PPM1L: variants seen among roughly 807,000 people sequenced by gnomAD.
The protein encoded by PPM1L is protein phosphatase 1L.
PPM1L carries 13 observed loss-of-function variants against 31.4 expected under a neutral mutation model. The ratio of observed to expected loss-of-function variants is 0.41; its 90% CI spans 0.27 to 0.66. The LOEUF (loss-of-function observed/expected upper bound fraction) is 0.66, where lower values mean the gene tolerates loss of function less well. PPM1L is among the 30% of genes least tolerant of loss of function. The pLI, the probability that PPM1L is intolerant of heterozygous loss-of-function variation, is 0.29. For synonymous variants in PPM1L, 184 were observed against 175.4 expected (o/e 1.05, Z -0.39); for missense variants, 326 against 453.7 (o/e 0.72, Z 2.56).
At chr3:160,822,890 A>T (rs1343219669) in intron 1 of PPM1L, among the ~76,000 whole-genome samples, 2 of 152,148 alleles carry the variant, frequency 1.3e-5, no homozygotes, top group African/African-American at 4.8e-5. Context: ...AAGAATATCT[A>T]AAAGGAAGAG....
At position 160,961,819 on chromosome 3, in the gene PPM1L, T is replaced by C. The variant is rs1715974051; in HGVS notation, c.483T>C (p.Ser161=). ...ACTACGAGAAAGACAAAGAAAATAGTGTATTATCTTACCAGACCATCCTTG... is the reference window on the plus strand; with the variant it reads ...ACTACGAGAAAGACAAAGAAAATAGCGTATTATCTTACCAGACCATCCTTG... The part of the protein sequence containing the change: ...LQDYEKDKEN[S]VLSYQTILEQ... The change falls in exon 2 of 4, where the codon AGT becomes AGC. Residue 161 remains serine (S), a synonymous_variant. Transcript: ENST00000498165. The C allele has an allele frequency of 6.2e-7, 1 of 1,602,312 alleles. No homozygotes were observed. The highest frequency in any genetic ancestry group is 1.7e-5 in the Admixed American group (1 of 58,222).
chr3:160,791,239 A>G (rs1413761682), intron 1 of PPM1L, among the ~76,000 whole-genome samples: 2 of 152,188 alleles, frequency 1.3e-5, no homozygotes, highest in Non-Finnish European at 2.9e-5. Flanking sequence ...GAAGGAGTGG[A>G]AAAGGCATAG....
chr3:161,012,717 C>T (rs371361441), intron 2 of PPM1L, among the ~76,000 whole-genome samples: 19 of 152,086 alleles, frequency 1.2e-4, no homozygotes, highest in African/African-American at 3.9e-4. Context: ...GTCTATTCAG[C>T]GATTCAACTT....
intron 1 of PPM1L, among the ~76,000 whole-genome samples, chr3:160,924,308 C>T (rs1714515273): frequency 6.6e-6 from 1 of 152,126 alleles, no homozygotes; most frequent in Admixed American, 6.5e-5. Context: ...CAATCTTCTG[C>T]AAAGGGTCGG....
At chr3:161,065,662 T>A in intron 3 of PPM1L, 98 bp downstream of exon 3, 1 of 1,082,278 alleles carries the variant, frequency 9.2e-7, no homozygotes, top group Non-Finnish European at 1.3e-6. Context: ...AGTTATGCAG[T>A]ATTAGAGAGG....
chr3:161,061,016 A>C (rs187940724), intron 2 of PPM1L, among the ~76,000 whole-genome samples: 1 of 152,086 alleles, frequency 6.6e-6, no homozygotes, highest in Non-Finnish European at 1.5e-5. Flanking sequence ...TCTCTTGGGC[A>C]TAATGTCTTT....
chr3:160,912,288 A>G (rs1466881094), intron 1 of PPM1L, among the ~76,000 whole-genome samples: 3 of 152,210 alleles, frequency 2.0e-5, no homozygotes, highest in African/African-American at 7.2e-5. Flanking sequence ...TCTCTGAGCA[A>G]ATCCATGCCT....
At chr3:161,022,394 TAACA>T (rs902134399) in intron 2 of PPM1L, 66 of 375,052 alleles carry the variant, frequency 1.8e-4, no homozygotes, top group Non-Finnish European at 2.4e-4. Context: ...AGAAAAAAGT[TAACA>T]AATAAGATCA....
At chr3:160,798,527 C>T (rs923635997) in intron 1 of PPM1L, among the ~76,000 whole-genome samples, 1 of 152,148 alleles carries the variant, frequency 6.6e-6, no homozygotes, top group Non-Finnish European at 1.5e-5. Context: ...AACAACAAAG[C>T]TTGGATGATA....
chr3:160,779,632 C>T (rs1711677827), intron 1 of PPM1L, among the ~76,000 whole-genome samples: 1 of 152,132 alleles, frequency 6.6e-6, no homozygotes, highest in Non-Finnish European at 1.5e-5. Context: ...AAGCGATTCT[C>T]CTGCCTCCGC....
chr3:160,760,479 C>T (rs986154348), intron 1 of PPM1L, among the ~76,000 whole-genome samples: 1 of 152,082 alleles, frequency 6.6e-6, no homozygotes, highest in Admixed American at 6.6e-5. Context: ...CCAGCTTCCT[C>T]CCTTGATTCT....
At chr3:160,810,690 C>G (rs1712778650) in intron 1 of PPM1L, among the ~76,000 whole-genome samples, 1 of 152,288 alleles carries the variant, frequency 6.6e-6, no homozygotes, top group South Asian at 2.1e-4. Context: ...GATGACCTGC[C>G]AGCAAATCCT....
intron 1 of PPM1L, among the ~76,000 whole-genome samples, chr3:160,793,876 C>T (rs1418553936): frequency 1.3e-5 from 2 of 152,164 alleles, no homozygotes; most frequent in African/African-American, 4.8e-5. Flanking sequence ...TTCTGATTGT[C>T]AAGACAACTG....
chr3:160,768,236 TGCCTAAG>T (rs1328196033), intron 1 of PPM1L, among the ~76,000 whole-genome samples: 1 of 152,226 alleles, frequency 6.6e-6, no homozygotes, highest in Non-Finnish European at 1.5e-5. Flanking sequence ...CCAAATATAG[TGCCTAAG>T]GCTTCACAGC....
chr3:160,839,467 G>T (rs897179303), intron 1 of PPM1L, among the ~76,000 whole-genome samples: 7 of 151,836 alleles, frequency 4.6e-5, no homozygotes, highest in Admixed American at 1.3e-4. Context: ...CACTCTTATG[G>T]TTTATTTTTA....
intron 2 of PPM1L, among the ~76,000 whole-genome samples, chr3:160,964,666 T>G (rs778933584): frequency 2.6e-5 from 4 of 152,036 alleles, no homozygotes; most frequent in African/African-American, 4.8e-5. Flanking sequence ...AAAGTGATCT[T>G]CAGCAGCTTT....
intron 1 of PPM1L, among the ~76,000 whole-genome samples, chr3:160,897,627 T>C (rs1312117820): frequency 2.6e-5 from 4 of 152,232 alleles, no homozygotes; most frequent in Non-Finnish European, 5.9e-5. Flanking sequence ...GATTTCTTTT[T>C]CCTGATTTGT....
rs1241503014 is a variant in PPM1L at position 161,076,752 on chromosome 3, A to G, written c.*7595A>G. On this transcript the variant is annotated 3_prime_UTR_variant, in exon 4 of 4. Transcript: ENST00000498165. ...TTTTAGTGGGTTCAGATAAATGATTATTCTGACAAACCTGGAAAATAGTAA... is the reference window on the plus strand; with the variant it reads ...TTTTAGTGGGTTCAGATAAATGATTGTTCTGACAAACCTGGAAAATAGTAA... 1 of 152,116 alleles carries G rather than the reference A, an allele frequency of 6.6e-6. No homozygotes were observed. The highest frequency in any genetic ancestry group is 1.5e-5 in the Non-Finnish European group (1 of 68,028). The allele number at this position is 152,116 out of a possible 1,614,324, so 9.4% of individuals were successfully genotyped here.
chr3:160,972,075 C>T (rs1716359030), intron 2 of PPM1L, among the ~76,000 whole-genome samples: 2 of 152,306 alleles, frequency 1.3e-5, no homozygotes, highest in South Asian at 2.1e-4. Context: ...GACTCACCAC[C>T]ACATTCTAAC....
Sources: gnomAD v4.1 joint callset for allele counts (sites outside exome capture counted in the v4.1 genomes callset) on GRCh38, gnomAD v4.1.1 for gene constraint, MANE v1.5 for transcripts, NCBI Gene and HGNC (gene_info 2026-07-23, HGNC 2026-07-21) for gene names.